The following MARCHF1 variants were observed in gnomAD, a reference collection of about 807,000 sequenced individuals.
MARCHF1 encodes E3 ubiquitin-protein ligase MARCHF1.
MARCHF1 carries 40 observed loss-of-function variants against 54.2 expected under a neutral mutation model. That is an observed-to-expected ratio of 0.74 (90% CI 0.57 to 0.96). MARCHF1 has a LOEUF of 0.96. Among genes scored for constraint, MARCHF1 ranks in the 40% least tolerant of loss-of-function variants. The probability of loss-of-function intolerance (pLI) is 0.00; values close to 1 mark genes in which losing one functional copy is unlikely to be tolerated. For missense variants in MARCHF1, 586 were observed against 656.5 expected, an observed-to-expected ratio of 0.89 and a Z score of 1.17; for synonymous variants, 236 against 236.3, an observed-to-expected ratio of 1.00 and a Z score of 0.01.
intron 1 of MARCHF1, among the ~76,000 whole-genome samples, chr4:164,291,949 A>G (rs1305191924): frequency 6.6e-6 from 1 of 152,074 alleles, no homozygotes; most frequent in Non-Finnish European, 1.5e-5. Flanking sequence ...TCATTCATTC[A>G]TTCAACAAAT....
chr4:163,978,076 T>G (rs865788422), intron 3 of MARCHF1, among the ~76,000 whole-genome samples: 2 of 152,288 alleles, frequency 1.3e-5, no homozygotes, highest in Non-Finnish European at 2.9e-5. Context: ...TCCAGAAAAT[T>G]CGTTGCTCAG....
At chr4:163,823,761 T>C (rs1199310071) in intron 4 of MARCHF1, among the ~76,000 whole-genome samples, 1 of 151,800 alleles carries the variant, frequency 6.6e-6, no homozygotes, top group Non-Finnish European at 1.5e-5. Flanking sequence ...TAAACTAACC[T>C]ACAGAAAATT....
At chr4:163,957,031 TATTAA>T (rs972125453) in intron 3 of MARCHF1, among the ~76,000 whole-genome samples, 4 of 152,064 alleles carry the variant, frequency 2.6e-5, no homozygotes, top group Non-Finnish European at 4.4e-5. Context: ...ATGTGACTTT[TATTAA>T]ATTAATTACT....
chr4:163,875,152 TTGACACAC>T (rs559896366), intron 3 of MARCHF1, among the ~76,000 whole-genome samples: 171 of 152,270 alleles, frequency 1.1e-3, no homozygotes, highest in African/African-American at 4.0e-3. Context: ...TTGCCTTAGC[TTGACACAC>T]ACGTTGAATT....
intron 1 of MARCHF1, among the ~76,000 whole-genome samples, chr4:164,159,158 G>T (rs897829327): frequency 6.6e-6 from 1 of 152,142 alleles, no homozygotes; most frequent in African/African-American, 2.4e-5. Flanking sequence ...AGATAATAAA[G>T]TAATTAATGT....
At position 163,782,274 on chromosome 4, in the gene MARCHF1, G is replaced by T. The variant is rs1747486682; in HGVS notation, c.111+71747C>A. 7.9e-5 allele frequency among the ~76,000 whole-genome samples: 12 copies of T among 152,198 alleles called. No homozygotes were observed. In the South Asian group the frequency reaches 2.5e-3, roughly 32 times the overall value. On this transcript the variant is annotated intron_variant, in intron 4 of 9. Transcript: ENST00000514618. ...TCTCTGGGAGGAGATAGATGTTCAG[G>T]GTGTATCTACCTCTAAACAATGGAA...
intron 7 of MARCHF1, among the ~76,000 whole-genome samples, chr4:163,595,358 A>T (rs1001352271): frequency 2.1e-4 from 7 of 33,390 alleles, no homozygotes; most frequent in Admixed American, 7.4e-4. Flanking sequence ...AAAATAAAAT[A>T]AAAAAAAAAT....
At chr4:163,561,632 T>C (rs187120166) in intron 8 of MARCHF1, among the ~76,000 whole-genome samples, 23 of 152,276 alleles carry the variant, frequency 1.5e-4, no homozygotes, top group Admixed American at 1.4e-3. Context: ...ATTGTTTAAA[T>C]TTTCATTTTT....
At position 163,929,973 on chromosome 4, in the gene MARCHF1, A is replaced by AATATATTATATATAT. The variant is rs1560823848; in HGVS notation, c.-39+58527_-39+58528insATATATATAATATAT. 1.9e-4 allele frequency among the ~76,000 whole-genome samples: 24 copies of AATATATTATATATAT among 125,380 alleles called. 1 individual carries two copies. The highest frequency in any genetic ancestry group is 5.8e-4 in the African/African-American group (19 of 32,480). The allele number at this position is 125,380 out of a possible 152,430, so 82.3% of individuals were successfully genotyped here. On this transcript the variant is annotated intron_variant, in intron 3 of 9. Transcript: ENST00000514618. ...ATATATATTATATATAATATATATA[A>AATATATTATATATAT]TATATATAATATATATATAATATAT... is the stretch of plus-strand genomic sequence containing the variant.
At chr4:164,120,869 A>G (rs1273514935) in intron 1 of MARCHF1, among the ~76,000 whole-genome samples, 1 of 152,148 alleles carries the variant, frequency 6.6e-6, no homozygotes, top group Non-Finnish European at 1.5e-5. Flanking sequence ...ATAAGTGCCT[A>G]GATCAAAAAA....
intron 5 of MARCHF1, among the ~76,000 whole-genome samples, chr4:163,654,186 T>C (rs1225260047): frequency 6.6e-6 from 1 of 151,714 alleles, no homozygotes; most frequent in Admixed American, 6.6e-5. Flanking sequence ...CAATGTGGGA[T>C]TCATTGTTCA....
At chr4:164,301,538 G>C (rs957772005) in intron 1 of MARCHF1, among the ~76,000 whole-genome samples, 1 of 152,124 alleles carries the variant, frequency 6.6e-6, no homozygotes, top group African/African-American at 2.4e-5. Flanking sequence ...AGCGGATAGG[G>C]CTCGGTTTGT....
intron 5 of MARCHF1, among the ~76,000 whole-genome samples, chr4:163,653,675 G>C (rs535686496): frequency 1.3e-5 from 2 of 151,590 alleles, no homozygotes; most frequent in Non-Finnish European, 3.0e-5. Context: ...AGGAAAGAAG[G>C]TAGACATCAA....
chr4:164,108,724 G>T (rs1475517194), intron 2 of MARCHF1, among the ~76,000 whole-genome samples: 3 of 151,876 alleles, frequency 2.0e-5, no homozygotes, highest in African/African-American at 7.3e-5. Flanking sequence ...TCTGGAAAAA[G>T]AAAGTCTATA....
At chr4:164,144,186 C>G (rs1027271940) in intron 1 of MARCHF1, among the ~76,000 whole-genome samples, 16 of 150,172 alleles carry the variant, frequency 1.1e-4, no homozygotes, top group African/African-American at 3.7e-4. Flanking sequence ...CCTGACTGAC[C>G]TACAAAGAGA....
chr4:163,699,343 G>A (rs1744733246), intron 5 of MARCHF1, among the ~76,000 whole-genome samples: 1 of 152,178 alleles, frequency 6.6e-6, no homozygotes. Flanking sequence ...GGAATGGCAG[G>A]CATGCTTACT....
intron 1 of MARCHF1, among the ~76,000 whole-genome samples, chr4:164,262,495 T>C (rs1733496138): frequency 6.6e-6 from 1 of 152,226 alleles, no homozygotes; most frequent in Non-Finnish European, 1.5e-5. Context: ...CTGCACTTTG[T>C]TGTACTTTGA....
chr4:163,595,713 G>C (rs1159146145), intron 7 of MARCHF1, among the ~76,000 whole-genome samples: 1 of 152,006 alleles, frequency 6.6e-6, no homozygotes, highest in Non-Finnish European at 1.5e-5. Context: ...CAAACACAAA[G>C]AAACAGGGAG....
chr4:163,981,981 C>T (rs189772066), intron 3 of MARCHF1, among the ~76,000 whole-genome samples: 359 of 152,248 alleles, frequency 2.4e-3, no homozygotes, highest in Non-Finnish European at 3.9e-3. Flanking sequence ...CAGGGTGTGA[C>T]GGCAATTACT....
Sources: allele counts gnomAD v4.1 joint callset (sites outside exome capture counted in the v4.1 genomes callset), GRCh38; gene constraint gnomAD v4.1.1; transcripts MANE v1.5; gene names NCBI Gene and HGNC (gene_info 2026-07-23, HGNC 2026-07-21).